The following DECR1 variants were observed in gnomAD, a reference collection of about 807,000 sequenced individuals.
DECR1 encodes 2,4-dienoyl-CoA reductase 1.
In DECR1, 44 loss-of-function variants were observed where a neutral mutation model predicts 38.8. That is an observed-to-expected ratio of 1.13 (90% confidence interval 0.89 to 1.46). The LOEUF is 1.46. Among genes scored for constraint, DECR1 ranks in the 40% most tolerant of loss-of-function variants. The pLI is 0.00. For synonymous variants in DECR1, 148 were observed against 135.2 expected, an observed-to-expected ratio of 1.09 and a Z score of -0.66; for missense variants, 428 against 405.5, an observed-to-expected ratio of 1.06 and a Z score of -0.48.
At chr8:90,045,386 G>A (rs991411597) in intron 8 of DECR1, among the ~76,000 whole-genome samples, 6 of 152,064 alleles carry the variant, frequency 3.9e-5, no homozygotes, top group Non-Finnish European at 7.4e-5. Flanking sequence ...ATTATATCCC[G>A]CGCATGGCTC....
chr8:90,042,802 T>C lies in DECR1; in HGVS notation c.738+2T>C. The C allele has an allele frequency of 7.4e-6, 12 of 1,611,296 alleles. No individual in the cohort carries two copies. Among genetic ancestry groups the C allele is most frequent in the Non-Finnish European group, 1.0e-5 (12 of 1,177,592 alleles). ...CAACCAGGGCCTATAAAAACCAAAG[T>C]AAGTTGTATTTTGCTTGTTATCACA... On this transcript the variant is annotated splice_donor_variant, in intron 7 of 9. Coordinates refer to ENST00000220764, the MANE Select transcript of DECR1 (RefSeq NM_001359.2). LOFTEE classifies it high-confidence loss of function.
chr8:90,044,734 A>G lies in DECR1; in HGVS notation c.739-115A>G, dbSNP rs527845008. The G allele has an allele frequency of 6.6e-4, 663 of 1,008,086 alleles. No homozygotes were observed. The highest frequency in any genetic ancestry group is 8.7e-4 in the Non-Finnish European group (633 of 724,156). 62.4% of individuals were successfully genotyped at this position (1,008,086 alleles called of 1,614,324 possible). A position where few individuals can be genotyped will look rare whatever the true frequency, so the allele number is the denominator to read the frequency against. ...TGGTGAAATTCTTTTTTACTTACAA[A>G]GCCTAAGGTTTTAAGCTGCATGGCA... On this transcript the variant is annotated intron_variant, in intron 7 of 9. Coordinates refer to ENST00000220764, the MANE Select transcript of DECR1 (RefSeq NM_001359.2).
intron 5 of DECR1, among the ~76,000 whole-genome samples, chr8:90,029,850 C>T (rs557740138): frequency 1.3e-5 from 2 of 152,262 alleles, no homozygotes; most frequent in Admixed American, 1.3e-4. Flanking sequence ...TGATCCAGTA[C>T]ACATGCCCTG....
chr8:90,051,340 A>G (rs548276619), intron 8 of DECR1, among the ~76,000 whole-genome samples: 8 of 152,188 alleles, frequency 5.3e-5, no homozygotes, highest in African/African-American at 1.7e-4. Context: ...GACGAGAGAG[A>G]GAGAGATTGA....
chr8:90,029,170 T>C (rs1805886), intron 5 of DECR1: 1 of 152,280 alleles, frequency 6.6e-6, no homozygotes, highest in African/African-American at 2.4e-5. Context: ...TTTACTGTTA[T>C]TCAGCTTTTT....
intron 1 of DECR1, among the ~76,000 whole-genome samples, chr8:90,011,218 T>G (rs1396820866): frequency 6.6e-6 from 1 of 152,200 alleles, no homozygotes; most frequent in Non-Finnish European, 1.5e-5. Context: ...AAATACTTAT[T>G]GAATAATTAA....
At chr8:90,021,089 G>T (rs1813147901) in intron 5 of DECR1, 33 bp downstream of exon 5, 2 of 1,529,044 alleles carry the variant, frequency 1.3e-6, no homozygotes, top group Non-Finnish European at 1.8e-6. Context: ...TATTTATTTG[G>T]CTTCTGTGTG....
intron 8 of DECR1, among the ~76,000 whole-genome samples, chr8:90,048,485 G>C (rs1322047687): frequency 1.3e-5 from 2 of 152,070 alleles, no homozygotes; most frequent in Non-Finnish European, 2.9e-5. Flanking sequence ...GACTAAACCT[G>C]GAAGAAGTTG....
chr8:90,030,032 G>C (rs1482873470), intron 5 of DECR1, among the ~76,000 whole-genome samples: 1 of 152,114 alleles, frequency 6.6e-6, no homozygotes, highest in Non-Finnish European at 1.5e-5. Context: ...ACAGACCAGG[G>C]GAAGGTGCAG....
In DECR1 at chr8:90,006,233, G is replaced by A. The variant is rs1364972912; in HGVS notation, c.69+4672G>A. 1.1e-5 allele frequency: 8 copies of A among 704,022 alleles called. No homozygotes were observed. In the Admixed American group the frequency reaches 1.6e-4, roughly 14 times the overall value. 43.6% of individuals were successfully genotyped at this position (704,022 alleles called of 1,614,324 possible). On this transcript the variant is annotated intron_variant, in intron 1 of 9. Transcript: ENST00000220764. ...TACTACCTGAACTTCTCACAGTAGG[G>A]AGATGTCAGGACTGGGGAAGAAGCA...
At position 90,017,174 on chromosome 8, in the gene DECR1, A is replaced by G; in HGVS notation, c.120A>G (p.Gln40=). ...TATATCAAAACACTGAAGCTTTGCA[A>G]TCTAAATTCTTTTCACCTCTTCAAA... ...KILYQNTEAL[Q]SKFFSPLQKA... is the part of the protein sequence containing the mutation. The change falls in exon 2 of 10, where the codon CAA becomes CAG. Residue 40 remains glutamine, a synonymous_variant. Coordinates refer to ENST00000220764, the MANE Select transcript of DECR1 (RefSeq NM_001359.2). 6.2e-7 allele frequency: 1 copy of G among 1,614,158 alleles called. No homozygotes were observed. Among genetic ancestry groups the G allele is most frequent in the Non-Finnish European group, 8.5e-7 (1 of 1,179,988 alleles).
Position 90,051,978 on chromosome 8 carries a change from G to A in DECR1, c.*81G>A, listed in dbSNP as rs1586172639. The A allele has an allele frequency of 7.9e-7, 1 of 1,264,018 alleles. No homozygotes were observed. Among genetic ancestry groups the A allele is most frequent in the East Asian group, 2.4e-5 (1 of 41,734 alleles). The allele number at this position is 1,264,018 out of a possible 1,614,324, so 78.3% of individuals were successfully genotyped here. On this transcript the variant is annotated 3_prime_UTR_variant, in exon 10 of 10. Transcript: ENST00000220764. ...ATCTCTCATCTTTTGACTATTTCAA[G>A]TCTAATAAATTCTTAATTAACAAAC...
intron 4 of DECR1, among the ~76,000 whole-genome samples, chr8:90,019,622 G>C (rs1023288828): frequency 6.6e-6 from 1 of 152,210 alleles, no homozygotes; most frequent in African/African-American, 2.4e-5. Flanking sequence ...AACAAACATG[G>C]TGCATTGGTG....
intron 7 of DECR1, 114 bp from the exon 8 acceptor site, chr8:90,044,735 G>A: frequency 1.9e-6 from 2 of 1,050,934 alleles, no homozygotes; most frequent in Non-Finnish European, 2.7e-6. Flanking sequence ...TACTTACAAA[G>A]CCTAAGGTTT....
chr8:90,027,421 A>G (rs560614042), intron 5 of DECR1, among the ~76,000 whole-genome samples: 13 of 152,220 alleles, frequency 8.5e-5, no homozygotes, highest in African/African-American at 3.1e-4. Flanking sequence ...TTGGGTGCAT[A>G]TATGTTTAGG....
chr8:90,007,603 A>G (rs1033048200), intron 1 of DECR1, among the ~76,000 whole-genome samples: 10 of 152,170 alleles, frequency 6.6e-5, no homozygotes, highest in African/African-American at 2.2e-4. Flanking sequence ...TTAAGGATGC[A>G]TTTGAAGAAA....
At chr8:90,050,319 AT>A (rs1814042730) in intron 8 of DECR1, among the ~76,000 whole-genome samples, 1 of 152,238 alleles carries the variant, frequency 6.6e-6, no homozygotes, top group Admixed American at 6.5e-5. Flanking sequence ...AAGAACTTAA[AT>A]TTACAAGAAA....
chr8:90,047,268 G>A (rs1433243242), intron 8 of DECR1, among the ~76,000 whole-genome samples: 3 of 152,120 alleles, frequency 2.0e-5, no homozygotes, highest in Non-Finnish European at 2.9e-5. Context: ...ACCCATCAGT[G>A]TGCTGTATTT....
At position 90,047,502 on chromosome 8, in the gene DECR1, C is replaced by T. The variant is rs184648811; in HGVS notation, c.885+2507C>T. Among the ~76,000 whole-genome samples the T allele has an allele frequency of 5.3e-5, 8 of 152,270 alleles. No individual in the cohort carries two copies. In the East Asian group the frequency reaches 9.6e-4, roughly 18 times the overall value. ...GAGCTAACTATCCTAAATATATTTGCACCCAATACAGGAGCACCCAGATTC... is the reference window on the plus strand; with the variant it reads ...GAGCTAACTATCCTAAATATATTTGTACCCAATACAGGAGCACCCAGATTC... On this transcript the variant is annotated intron_variant, in intron 8 of 9. Transcript: ENST00000220764.
Sources: gnomAD v4.1 joint callset for allele counts (sites outside exome capture counted in the v4.1 genomes callset) on GRCh38, gnomAD v4.1.1 for gene constraint, MANE v1.5 for transcripts, NCBI Gene and HGNC (gene_info 2026-07-23, HGNC 2026-07-21) for gene names.